Variants in STK24 observed in about 807,000 individuals in gnomAD.
STK24 encodes the protein serine/threonine kinase 24, also known as serine/threonine-protein kinase 24.
A neutral mutation model predicts 55.6 loss-of-function variants in STK24; 21 were observed. The observed-to-expected ratio is 0.38, with a 90% confidence interval of 0.27 to 0.54. The LOEUF (loss-of-function observed/expected upper bound fraction) is 0.54. Ranked by LOEUF, STK24 falls within the 20% of genes least tolerant of loss-of-function variation. The probability of loss-of-function intolerance (pLI) is 0.79; values close to 1 mark genes in which losing one functional copy is unlikely to be tolerated. For synonymous variants in STK24, 200 were observed against 215.2 expected (o/e 0.93, Z 0.62); for missense variants, 383 against 538.4 (o/e 0.71, Z 2.86).
intron 2 of STK24, among the ~76,000 whole-genome samples, chr13:98,512,838 C>T (rs1035750927): frequency 6.6e-5 from 10 of 152,294 alleles, no homozygotes; most frequent in African/African-American, 2.4e-4. Flanking sequence ...GAGTCACAAA[C>T]GTCCCATTAA....
Position 98,519,287 on chromosome 13 carries a change from ACT to A in STK24, c.227_228del (p.Gln76LeufsTer2). On this transcript the variant is annotated frameshift_variant, in exon 2 of 11. Coordinates refer to ENST00000539966, the MANE Select transcript of STK24 (RefSeq NM_001032296.4). LOFTEE classifies it high-confidence loss of function. ...DIQQEITVLS[Q>X]CDSPYVTKYY... ...TATTTGGTTACATATGGACTGTCAC[ACT>A]GACTCAGCACTGTGATTTCTTGTTG... The A allele has an allele frequency of 6.2e-7, 1 of 1,614,216 alleles. No individual in the cohort carries two copies.
intron 1 of STK24, among the ~76,000 whole-genome samples, chr13:98,559,291 T>C (rs1457982146): frequency 6.6e-6 from 1 of 152,174 alleles, no homozygotes; most frequent in Non-Finnish European, 1.5e-5. Context: ...AGGGACCCAG[T>C]GGGAGGTAAC....
chr13:98,511,332 G>A (rs1395868892), intron 2 of STK24, among the ~76,000 whole-genome samples: 2 of 152,114 alleles, frequency 1.3e-5, no homozygotes, highest in East Asian at 3.8e-4. Context: ...TACTAAAATG[G>A]CAAACATGAA....
chr13:98,574,390 G>A (rs985907476), intron 1 of STK24, among the ~76,000 whole-genome samples: 3 of 152,186 alleles, frequency 2.0e-5, no homozygotes, highest in African/African-American at 7.2e-5. Context: ...GAAGAGATAC[G>A]GACTTCTCTC....
chr13:98,559,752 A>C (rs1897370803), intron 1 of STK24, among the ~76,000 whole-genome samples: 2 of 152,210 alleles, frequency 1.3e-5, no homozygotes, highest in African/African-American at 4.8e-5. Flanking sequence ...CAATCATACC[A>C]AAACAAAAAT....
intron 7 of STK24, 126 bp downstream of exon 7, chr13:98,463,565 G>A (rs1329267238): frequency 1.7e-6 from 2 of 1,167,392 alleles, no homozygotes; most frequent in Non-Finnish European, 1.2e-6. Context: ...CACAACAATT[G>A]CCACCAACCT....
chr13:98,464,415 T>C (rs950980662), intron 6 of STK24, among the ~76,000 whole-genome samples: 14 of 150,624 alleles, frequency 9.3e-5, no homozygotes, highest in African/African-American at 3.2e-4. Context: ...CAAGACTCTG[T>C]CTCAAAAAAA....
At chr13:98,504,772 G>A (rs9556963) in intron 2 of STK24, among the ~76,000 whole-genome samples, 38,956 of 152,068 alleles carry the variant, frequency 0.26, 5,918 homozygotes, top group East Asian at 0.41. Flanking sequence ...ACCTGAGGTC[G>A]CTGATCCCTA....
chr13:98,571,794 G>C (rs142278957), intron 1 of STK24, among the ~76,000 whole-genome samples: 5 of 152,124 alleles, frequency 3.3e-5, no homozygotes, highest in African/African-American at 9.7e-5. Context: ...TTCAAGCCAC[G>C]AAGCTGAGTG....
At chr13:98,544,059 G>T (rs547642880) in intron 1 of STK24, among the ~76,000 whole-genome samples, 4 of 152,244 alleles carry the variant, frequency 2.6e-5, no homozygotes, top group African/African-American at 9.6e-5. Context: ...TAAATGAAAG[G>T]TGCATTTACG....
intron 3 of STK24, among the ~76,000 whole-genome samples, chr13:98,480,086 G>C (rs1333968223): frequency 6.6e-6 from 1 of 152,192 alleles, no homozygotes; most frequent in Non-Finnish European, 1.5e-5. Context: ...ATTCAAAAAG[G>C]AATGTCTGTC....
At chr13:98,482,349 A>T (rs770343290) in intron 2 of STK24, 28 bp from the exon 3 acceptor site, 1 of 1,407,720 alleles carries the variant, frequency 7.1e-7, no homozygotes. Context: ...GAAGAGAATC[A>T]TTTTCAAAAT....
At position 98,446,918 on chromosome 13, in the gene STK24, T is replaced by A. The variant is rs1392491494; in HGVS notation, c.*6255A>T. On this transcript the variant is annotated 3_prime_UTR_variant, in exon 11 of 11. Coordinates refer to ENST00000539966, the MANE Select transcript of STK24 (RefSeq NM_001032296.4). ...TCAGCGAGTGAGATGGCCCCACCCTTCCCTGCCAACTAAGCGTTTAGACCT... is the reference window on the plus strand; with the variant it reads ...TCAGCGAGTGAGATGGCCCCACCCTACCCTGCCAACTAAGCGTTTAGACCT... The A allele has an allele frequency of 7.8e-7, 1 of 1,282,904 alleles. No individual in the cohort carries two copies. The highest frequency in any genetic ancestry group is 1.1e-6 in the Non-Finnish European group (1 of 905,318). The allele number at this position is 1,282,904 out of a possible 1,614,324, so 79.5% of individuals were successfully genotyped here.
chr13:98,574,582 ACT>A (rs1190805856), intron 1 of STK24, among the ~76,000 whole-genome samples: 2 of 152,140 alleles, frequency 1.3e-5, no homozygotes, highest in African/African-American at 4.8e-5. Flanking sequence ...CAAATGATAC[ACT>A]GTTACCATAC....
chr13:98,461,037 C>A (rs1332280474), intron 8 of STK24, among the ~76,000 whole-genome samples: 2 of 137,698 alleles, frequency 1.5e-5, no homozygotes, highest in African/African-American at 5.5e-5. Context: ...AACAGAGACC[C>A]CGTCTCAAAA....
chr13:98,446,270 C>A lies in STK24; in HGVS notation c.*6903G>T. The A allele has an allele frequency of 2.9e-6, 3 of 1,028,128 alleles. No homozygotes were observed. The highest frequency in any genetic ancestry group is 4.5e-6 in the Non-Finnish European group (3 of 663,262). The allele number at this position is 1,028,128 out of a possible 1,614,324, so 63.7% of individuals were successfully genotyped here. ...GGGGTGGCAGCATGAGGTGAGGGGGCCGCCCTCCTCTGGAATGACTCAGGC... is the reference window on the plus strand; with the variant it reads ...GGGGTGGCAGCATGAGGTGAGGGGGACGCCCTCCTCTGGAATGACTCAGGC... On this transcript the variant is annotated 3_prime_UTR_variant, in exon 11 of 11. Coordinates refer to ENST00000539966, the MANE Select transcript of STK24 (RefSeq NM_001032296.4).
At chr13:98,534,247 C>A (rs1444933715) in intron 1 of STK24, among the ~76,000 whole-genome samples, 1 of 152,190 alleles carries the variant, frequency 6.6e-6, no homozygotes, top group African/African-American at 2.4e-5. Context: ...AAAGACGAGG[C>A]CTGCGGTTTG....
At chr13:98,522,483 C>T (rs1023491983) in intron 1 of STK24, among the ~76,000 whole-genome samples, 3 of 152,170 alleles carry the variant, frequency 2.0e-5, no homozygotes, top group African/African-American at 7.2e-5. Context: ...GAAGGAAAGG[C>T]TGTGTTAAAG....
chr13:98,519,197 C>T (rs1301367786), intron 2 of STK24, 46 bp downstream of exon 2: 1 of 1,522,272 alleles, frequency 6.6e-7, no homozygotes, highest in Admixed American at 1.7e-5. Flanking sequence ...GCTGGCACCT[C>T]AGCCAAGTGC....
Sources: allele counts gnomAD v4.1 joint callset (sites outside exome capture counted in the v4.1 genomes callset), GRCh38; gene constraint gnomAD v4.1.1; transcripts MANE v1.5; gene names NCBI Gene and HGNC (gene_info 2026-07-23, HGNC 2026-07-21).